The following GORASP1 variants were observed in gnomAD, a reference collection of about 807,000 sequenced individuals.
GORASP1 encodes golgi reassembly stacking protein 1.
A neutral mutation model predicts 37.7 loss-of-function variants in GORASP1; 31 were observed. That is an observed-to-expected ratio of 0.82 (90% CI 0.62 to 1.11). The LOEUF (loss-of-function observed/expected upper bound fraction) is 1.11. Ranked by LOEUF, GORASP1 falls within the 50% of genes least tolerant of loss-of-function variation. The probability of loss-of-function intolerance (pLI) is 0.00; values close to 1 mark genes in which losing one functional copy is unlikely to be tolerated. For missense variants in GORASP1, 476 were observed against 560.7 expected (o/e 0.85, Z 1.53); for synonymous variants, 204 against 224.8 (o/e 0.91, Z 0.83).
At position 39,098,225 on chromosome 3, in the gene GORASP1, A is replaced by G. The variant is rs200880299; in HGVS notation, c.*11T>C. ...GAAATGTCATCATGGGCCTTGTCAC[A>G]GCCCAGGGTGTTATTCTGTGGTAGA... On this transcript the variant is annotated 3_prime_UTR_variant, in exon 9 of 9. Transcript: ENST00000319283. The surrounding 1 kb of genome is among the most constrained non-coding windows in gnomAD (Gnocchi z 4.7). 6.2e-7 allele frequency: 1 copy of G among 1,611,436 alleles called. No homozygotes were observed. The highest frequency in any genetic ancestry group is 8.5e-7 in the Non-Finnish European group (1 of 1,178,328).
rs1374868805 is a variant in GORASP1, at chr3:39,107,496, C to T, written c.46G>A (p.Gly16Ser). The part of the protein sequence containing the change: ...SAEQPAGGAE[G>S]FHLHGVQENS... ...CAACTCACCCCGTGGAGGTGGAAGCCCTCGGCGCCGCCTGCGGGCTGCTCA... is the reference window on the plus strand; with the variant it reads ...CAACTCACCCCGTGGAGGTGGAAGCTCTCGGCGCCGCCTGCGGGCTGCTCA... Residue 16 changes from glycine (G) to serine (S), a missense_variant, in exon 1 of 9, where the codon GGC (glycine) becomes AGC (serine). By Grantham distance (56) the Gly-to-Ser change is moderately conservative. Coordinates refer to ENST00000319283, the MANE Select transcript of GORASP1 (RefSeq NM_031899.4). 3 of 1,457,862 alleles carry T rather than the reference C, an allele frequency of 2.1e-6. No individual in the cohort carries two copies. Among genetic ancestry groups the T allele is most frequent in the South Asian group, 1.3e-5 (1 of 74,170 alleles). 90.3% of individuals were successfully genotyped at this position (1,457,862 alleles called of 1,614,324 possible).
intron 1 of GORASP1, chr3:39,107,269 A>G (rs2036237373): frequency 2.0e-6 from 1 of 500,502 alleles, no homozygotes; most frequent in African/African-American, 2.0e-5. Flanking sequence ...GCTGGGCCCG[A>G]CCGCGGCCGC....
chr3:39,107,415 G>A, intron 1 of GORASP1, 64 bp downstream of exon 1: 1 of 1,103,466 alleles, frequency 9.1e-7, no homozygotes, highest in Non-Finnish European at 1.2e-6. Context: ...GCCGGCGACC[G>A]GACGCCCGGG....
At position 39,099,427 on chromosome 3, in the gene GORASP1, T is replaced by A; in HGVS notation, c.842A>T (p.Asp281Val). Residue 281 changes from aspartate to valine, a missense_variant, in exon 7 of 9, where the codon GAC becomes GTC. Asp to Val is a radical substitution (Grantham distance 152, BLOSUM62 -3). Transcript: ENST00000319283. ...CATGAAATGGGGAAGTCCATCAGGGTCTGGAGCACTGTGGCTGGGACTCCC... is the reference window on the plus strand; with the variant it reads ...CATGAAATGGGGAAGTCCATCAGGGACTGGAGCACTGTGGCTGGGACTCCC... ...GPGSPSHSAP[D>V]PDGLPHFMET... 1.2e-6 allele frequency: 2 copies of A among 1,612,520 alleles called. No individual in the cohort carries two copies. Among genetic ancestry groups the A allele is most frequent in the Non-Finnish European group, 1.7e-6 (2 of 1,179,398 alleles).
rs758489912 is a variant in GORASP1, at chr3:39,099,509, AAAG to A, written c.766-9_766-7del. On this transcript the variant is annotated splice_region_variant and splice_polypyrimidine_tract_variant and intron_variant, in intron 6 of 8. Transcript: ENST00000319283. ...CCAGGTGCCTGCAGCAGGGCCTAGG[AAAG>A]AAGAAGAAATGGGTAGGGGACAATC... 19 of 1,607,238 alleles carry A rather than the reference AAAG, an allele frequency of 1.2e-5. No homozygotes were observed. Among genetic ancestry groups the A allele is most frequent in the South Asian group, 4.5e-5 (4 of 89,608 alleles).
At position 39,102,958 on chromosome 3, in the gene GORASP1, T is replaced by C. The variant is rs1436793007; in HGVS notation, c.145-77A>G. 3.6e-6 allele frequency: 5 copies of C among 1,373,414 alleles called. No homozygotes were observed. The highest frequency in any genetic ancestry group is 2.3e-5 in the South Asian group (2 of 86,146). 85.1% of individuals were successfully genotyped at this position (1,373,414 alleles called of 1,614,324 possible). Reference sequence around the variant, plus strand: ...CCCTCAGACAAGTCTGGGCCTGAGATGGGGCAAGGGCCTTAGTGGGCAGCA... The same window carrying C: ...CCCTCAGACAAGTCTGGGCCTGAGACGGGGCAAGGGCCTTAGTGGGCAGCA... On this transcript the variant is annotated intron_variant, in intron 2 of 8. Transcript: ENST00000319283. The surrounding 1 kb of genome is among the most constrained non-coding windows in gnomAD (Gnocchi z 5.0).
In GORASP1 at chr3:39,098,775, G is replaced by A; in HGVS notation, c.1035C>T (p.Asp345=). 1 of 1,614,140 alleles carries A rather than the reference G, an allele frequency of 6.2e-7. No individual in the cohort carries two copies. The highest frequency in any genetic ancestry group is 8.5e-7 in the Non-Finnish European group (1 of 1,179,980). ...TTAVSTSGPE[D]ICSSSSSHER... is the part of the protein sequence containing the mutation. ...CATGAGAACTGCTGCTGGAGCAGAT[G>A]TCCTCTGGCCCTGAGGTTGAGACAG... Residue 345 remains aspartate (D), a synonymous_variant, in exon 8 of 9, where the codon GAC becomes GAT. Coordinates refer to ENST00000319283, the MANE Select transcript of GORASP1 (RefSeq NM_031899.4). This position sits in a 1 kb window ranked among gnomAD's most constrained non-coding sequence, Gnocchi z 4.7.
intron 7 of GORASP1, 185 bp downstream of exon 7, chr3:39,099,168 G>T: frequency 2.4e-6 from 2 of 824,198 alleles, no homozygotes; most frequent in Non-Finnish European, 4.1e-6. Context: ...CCTGAAGGAG[G>T]CTACCTCTCT....
At chr3:39,107,286 G>T (rs1045453691) in intron 1 of GORASP1, 193 bp downstream of exon 1, 2 of 498,362 alleles carry the variant, frequency 4.0e-6, no homozygotes, top group African/African-American at 4.1e-5. Flanking sequence ...CCGCGGACTA[G>T]CCAGGGTCCG....
Position 39,102,759 on chromosome 3 carries a change from C to T in GORASP1, c.267G>A (p.Met89Ile). The T allele has an allele frequency of 6.2e-7, 1 of 1,614,258 alleles. No homozygotes were observed. Reference protein sequence around the residue: ...VREVEVVPSNMWGGQGLLGAS... With the variant: ...VREVEVVPSNIWGGQGLLGAS... The stretch of plus-strand genomic sequence containing the variant: ...CACCCAGTAGGCCCTGGCCGCCCCA[C>T]ATGTTGCTGGGCACCACCTCCACCT... The change falls in exon 3 of 9, where the codon ATG (methionine) becomes ATA (isoleucine). Residue 89 changes from methionine (M) to isoleucine (I), a missense_variant. Coordinates refer to ENST00000319283, the MANE Select transcript of GORASP1 (RefSeq NM_031899.4). The surrounding 1 kb of genome is among the most constrained non-coding windows in gnomAD (Gnocchi z 5.0).
Position 39,097,713 on chromosome 3 carries a change from A to G in GORASP1, c.*523T>C, listed in dbSNP as rs1019553237. 1 of 153,298 alleles carries G rather than the reference A, an allele frequency of 6.5e-6. No homozygotes were observed. Among genetic ancestry groups the G allele is most frequent in the Non-Finnish European group, 1.4e-5 (1 of 68,978 alleles). 9.5% of individuals were successfully genotyped at this position (153,298 alleles called of 1,614,324 possible). ...TCTGCTGAAGGGCCTAGAATTTCCA[A>G]CGCACCTCCCTCCAGGAGATGGGGG... On this transcript the variant is annotated 3_prime_UTR_variant, in exon 9 of 9. Coordinates refer to ENST00000319283, the MANE Select transcript of GORASP1 (RefSeq NM_031899.4).
In GORASP1 at chr3:39,103,049, T is replaced by C; in HGVS notation, c.145-168A>G. On this transcript the variant is annotated intron_variant, in intron 2 of 8. Coordinates refer to ENST00000319283, the MANE Select transcript of GORASP1 (RefSeq NM_031899.4). This position sits in a 1 kb window ranked among gnomAD's most constrained non-coding sequence, Gnocchi z 5.2. ...GATGGGCCAGGTTCACAGACCAGGG[T>C]TGAGCCTGCAGCCACTGGGACCCCC... is the stretch of plus-strand genomic sequence containing the variant. 1 of 670,596 alleles carries C rather than the reference T, an allele frequency of 1.5e-6. No homozygotes were observed. Among genetic ancestry groups the C allele is most frequent in the South Asian group, 1.7e-5 (1 of 57,340 alleles). The allele number at this position is 670,596 out of a possible 1,614,324, so 41.5% of individuals were successfully genotyped here. A position where few individuals can be genotyped will look rare whatever the true frequency, so the allele number is the denominator to read the frequency against.
At chr3:39,104,991 G>A (rs924961379) in intron 1 of GORASP1, among the ~76,000 whole-genome samples, 4 of 152,140 alleles carry the variant, frequency 2.6e-5, no homozygotes, top group Admixed American at 6.5e-5. Flanking sequence ...ATCACTCCAC[G>A]TCAGGTGCCT....
Position 39,103,002 on chromosome 3 carries a change from G to A in GORASP1, c.145-121C>T. The A allele has an allele frequency of 1.1e-6, 1 of 936,148 alleles. No individual in the cohort carries two copies. The highest frequency in any genetic ancestry group is 1.7e-6 in the Non-Finnish European group (1 of 577,894). 58.0% of individuals were successfully genotyped at this position (936,148 alleles called of 1,614,324 possible). A position where few individuals can be genotyped will look rare whatever the true frequency, so the allele number is the denominator to read the frequency against. The stretch of plus-strand genomic sequence containing the variant: ...GGCAGCAGCCCTCAGCAGGGTCACT[G>A]TGGGGATGGGCCAAGGTAGTGGATG... On this transcript the variant is annotated intron_variant, in intron 2 of 8. Coordinates refer to ENST00000319283, the MANE Select transcript of GORASP1 (RefSeq NM_031899.4). This position sits in a 1 kb window ranked among gnomAD's most constrained non-coding sequence, Gnocchi z 5.2.
At chr3:39,101,877 T>A (rs1174042611) in intron 3 of GORASP1, among the ~76,000 whole-genome samples, 3 of 152,274 alleles carry the variant, frequency 2.0e-5, no homozygotes, top group Non-Finnish European at 4.4e-5. Context: ...TTAGATACCA[T>A]CAATGGGCAC....
chr3:39,104,394 C>T (rs1056511362), intron 1 of GORASP1, among the ~76,000 whole-genome samples: 3 of 152,182 alleles, frequency 2.0e-5, no homozygotes, highest in Admixed American at 2.0e-4. Flanking sequence ...GAAATCCATC[C>T]CAAAAGCCCC....
In GORASP1 at chr3:39,107,536, G is replaced by A. The variant is rs749224340; in HGVS notation, c.6C>T (p.Gly2=). Residue 2 remains glycine (G), a synonymous_variant, in exon 1 of 9, where the codon GGC becomes GGT. Transcript: ENST00000319283. M[G]LGVSAEQPAG... ...CGGGCTGCTCAGCGCTGACGCCCAG[G>A]CCCATGGCAGCGGCTCCGCTCGGCA... 9.3e-6 allele frequency: 14 copies of A among 1,504,796 alleles called. No individual in the cohort carries two copies. The highest frequency in any genetic ancestry group is 1.2e-5 in the Non-Finnish European group (14 of 1,136,656). The allele number at this position is 1,504,796 out of a possible 1,614,324, so 93.2% of individuals were successfully genotyped here.
chr3:39,105,301 A>T lies in GORASP1; in HGVS notation c.64-1748T>A, dbSNP rs7623343. Among the ~76,000 whole-genome samples the T allele has an allele frequency of 6.6e-6, 1 of 151,808 alleles. No individual in the cohort carries two copies. Among genetic ancestry groups the T allele is most frequent in the Non-Finnish European group, 1.5e-5 (1 of 67,956 alleles). Reference sequence around the variant, plus strand: ...GGGGCTCCCATCACAGCCTGCCCCAAGGCCCTATAGTGCTGCTTTTCCTCA... The same window carrying T: ...GGGGCTCCCATCACAGCCTGCCCCATGGCCCTATAGTGCTGCTTTTCCTCA... On this transcript the variant is annotated intron_variant, in intron 1 of 8. Transcript: ENST00000319283. This position sits in a 1 kb window ranked among gnomAD's most constrained non-coding sequence, Gnocchi z 5.4.
Position 39,102,943 on chromosome 3 carries a change from A to T in GORASP1, c.145-62T>A. Reference sequence around the variant, plus strand: ...ATGCCCAGGCTAGGACCCTCAGACAAGTCTGGGCCTGAGATGGGGCAAGGG... The same window carrying T: ...ATGCCCAGGCTAGGACCCTCAGACATGTCTGGGCCTGAGATGGGGCAAGGG... On this transcript the variant is annotated intron_variant, in intron 2 of 8. Transcript: ENST00000319283. The surrounding 1 kb of genome is among the most constrained non-coding windows in gnomAD (Gnocchi z 5.0). The T allele has an allele frequency of 6.6e-7, 1 of 1,513,698 alleles. No homozygotes were observed. Among genetic ancestry groups the T allele is most frequent in the Non-Finnish European group, 9.2e-7 (1 of 1,088,682 alleles). The allele number at this position is 1,513,698 out of a possible 1,614,324, so 93.8% of individuals were successfully genotyped here. A position where few individuals can be genotyped will look rare whatever the true frequency, so the allele number is the denominator to read the frequency against.
Sources: allele counts gnomAD v4.1 joint callset (sites outside exome capture counted in the v4.1 genomes callset), GRCh38; gene constraint gnomAD v4.1.1; non-coding constraint Gnocchi (gnomAD v3.1); transcripts MANE v1.5; gene names NCBI Gene and HGNC (gene_info 2026-07-23, HGNC 2026-07-21).